The following UNC13C variants were observed in gnomAD, a reference collection of about 807,000 sequenced individuals.
UNC13C encodes the protein unc-13 homolog C.
In UNC13C, 174 loss-of-function variants were observed where a neutral mutation model predicts 245.4. The ratio of observed to expected loss-of-function variants is 0.71; its 90% CI spans 0.63 to 0.80. The LOEUF (loss-of-function observed/expected upper bound fraction) is 0.80, where lower values mean the gene tolerates loss of function less well. Ranked by LOEUF, UNC13C falls within the 30% of genes least tolerant of loss-of-function variation. UNC13C has a pLI of 0.00. For missense variants in UNC13C, 2,829 were observed against 2,602.9 expected (o/e 1.09, Z -1.89); for synonymous variants, 992 against 895.1 (o/e 1.11, Z -1.93).
chr15:54,024,383 T>G (rs911054820), intron 2 of UNC13C, among the ~76,000 whole-genome samples: 1 of 152,080 alleles, frequency 6.6e-6, no homozygotes, highest in Non-Finnish European at 1.5e-5. Flanking sequence ...AGGTGAGAAA[T>G]GAGTATCTGA....
chr15:53,991,309 A>G (rs1309783947), intron 1 of UNC13C, among the ~76,000 whole-genome samples: 1 of 151,982 alleles, frequency 6.6e-6, no homozygotes, highest in African/African-American at 2.4e-5. Context: ...CATCTCCACT[A>G]AGATGAAGTA....
chr15:54,460,299 A>T (rs1322313265), intron 19 of UNC13C, among the ~76,000 whole-genome samples: 4 of 152,216 alleles, frequency 2.6e-5, no homozygotes, highest in Non-Finnish European at 4.4e-5. Context: ...GAGGTGGCAC[A>T]GGAGTTAAGT....
intron 8 of UNC13C, among the ~76,000 whole-genome samples, chr15:54,263,012 T>C (rs1314535686): frequency 6.6e-6 from 1 of 152,216 alleles, no homozygotes; most frequent in African/African-American, 2.4e-5. Flanking sequence ...ATATTATCTT[T>C]TATTGTAGAA....
At chr15:54,341,649 T>G (rs1465537147) in intron 17 of UNC13C, among the ~76,000 whole-genome samples, 2 of 152,212 alleles carry the variant, frequency 1.3e-5, no homozygotes, top group African/African-American at 4.8e-5. Flanking sequence ...ATATGCTTAC[T>G]ACCTATAACC....
At chr15:54,070,736 G>A (rs2082114) in intron 2 of UNC13C, among the ~76,000 whole-genome samples, 9,277 of 152,054 alleles carry the variant, frequency 0.061, 401 homozygotes, top group South Asian at 0.15. Context: ...ACAGTTTCTC[G>A]GCTTCCTTCA....
At chr15:54,151,029 T>G (rs536790450) in intron 4 of UNC13C, among the ~76,000 whole-genome samples, 8 of 152,316 alleles carry the variant, frequency 5.3e-5, no homozygotes, top group Admixed American at 2.0e-4. Flanking sequence ...TTGGCACCTT[T>G]TTGATCATCT....
chr15:54,515,339 G>A (rs1019933378), intron 24 of UNC13C, among the ~76,000 whole-genome samples: 3 of 152,142 alleles, frequency 2.0e-5, no homozygotes, highest in African/African-American at 7.2e-5. Flanking sequence ...AGGGTGCCAT[G>A]TAATAATTTT....
At chr15:53,985,358 A>T (rs1243506462) in intron 1 of UNC13C, among the ~76,000 whole-genome samples, 6 of 143,248 alleles carry the variant, frequency 4.2e-5, no homozygotes, top group South Asian at 2.2e-4. Context: ...TCTTTTTTTT[A>T]AATTTTATTA....
intron 24 of UNC13C, among the ~76,000 whole-genome samples, chr15:54,522,584 C>A (rs1468571153): frequency 6.6e-6 from 1 of 152,156 alleles, no homozygotes; most frequent in East Asian, 1.9e-4. Flanking sequence ...GTATAAAATA[C>A]CTCAATGGTG....
intron 1 of UNC13C, among the ~76,000 whole-genome samples, chr15:53,988,669 A>C (rs1894251701): frequency 6.6e-6 from 1 of 151,944 alleles, no homozygotes; most frequent in African/African-American, 2.4e-5. Context: ...TAGAACAGAG[A>C]AAAGTATAGT....
chr15:54,620,901 G>T (rs1367811321), intron 30 of UNC13C, among the ~76,000 whole-genome samples: 1 of 152,094 alleles, frequency 6.6e-6, no homozygotes, highest in Non-Finnish European at 1.5e-5. Context: ...CCTGGTGGTA[G>T]TCTCCCTGGT....
chr15:54,070,038 A>G (rs1045326688), intron 2 of UNC13C, among the ~76,000 whole-genome samples: 1 of 152,252 alleles, frequency 6.6e-6, no homozygotes, highest in Non-Finnish European at 1.5e-5. Flanking sequence ...GCTCAAGGTC[A>G]TAGAGCTTGA....
chr15:54,581,785 G>A (rs746442772), intron 30 of UNC13C, among the ~76,000 whole-genome samples: 34 of 152,078 alleles, frequency 2.2e-4, no homozygotes, highest in Non-Finnish European at 4.4e-4. Flanking sequence ...TCTAGGAGTC[G>A]GGCTCAAATA....
intron 4 of UNC13C, among the ~76,000 whole-genome samples, chr15:54,199,389 A>G (rs1032108354): frequency 1.3e-5 from 2 of 152,166 alleles, no homozygotes; most frequent in African/African-American, 2.4e-5. Flanking sequence ...GCACATAGTC[A>G]TCAGGTTATC....
chr15:54,095,436 G>C (rs1899803640), intron 2 of UNC13C, among the ~76,000 whole-genome samples: 2 of 152,160 alleles, frequency 1.3e-5, no homozygotes, highest in Admixed American at 1.3e-4. Context: ...TGAATTTTCT[G>C]TTCCATGTCC....
chr15:54,569,594 T>G (rs1391598194), intron 30 of UNC13C, among the ~76,000 whole-genome samples: 2 of 149,740 alleles, frequency 1.3e-5, no homozygotes, highest in African/African-American at 2.5e-5. Flanking sequence ...GTATGTTTGT[T>G]TGTGTGTGTG....
At chr15:53,859,140 A>G in the UNC13C span, among the ~76,000 whole-genome samples, 1 of 152,178 alleles carries the variant, frequency 6.6e-6, no homozygotes, top group Admixed American at 6.6e-5. Context: ...TACCAAAATA[A>G]CTAAATGAAA....
chr15:54,318,102 A>T (rs1054618841), intron 13 of UNC13C, among the ~76,000 whole-genome samples: 4 of 151,950 alleles, frequency 2.6e-5, no homozygotes, highest in African/African-American at 9.7e-5. Context: ...TCTGATGTAT[A>T]TAACCATATT....
At chr15:53,896,953 A>G in the UNC13C span, among the ~76,000 whole-genome samples, 51 of 152,096 alleles carry the variant, frequency 3.4e-4, no homozygotes, top group Non-Finnish European at 6.5e-4. Context: ...ATAAACTTCT[A>G]TTTGGGAAGC....
Sources: gnomAD v4.1 joint callset for allele counts (sites outside exome capture counted in the v4.1 genomes callset) on GRCh38, gnomAD v4.1.1 for gene constraint, MANE v1.5 for transcripts, NCBI Gene and HGNC (gene_info 2026-07-23, HGNC 2026-07-21) for gene names.